Variants in VPS13D observed in about 807,000 individuals in gnomAD.
VPS13D encodes vacuolar protein sorting 13 homolog D.
Under a neutral mutation model 461.9 loss-of-function variants are expected in VPS13D, and 187 were observed. That is an observed-to-expected ratio of 0.40 (90% CI 0.36 to 0.46). The LOEUF (loss-of-function observed/expected upper bound fraction) is 0.46, where lower values mean the gene tolerates loss of function less well. Among genes scored for constraint, VPS13D ranks in the 20% least tolerant of loss-of-function variants. The pLI, the probability that VPS13D is intolerant of heterozygous loss-of-function variation, is 0.60. For synonymous variants in VPS13D, 1,951 were observed against 1,986.3 expected (o/e 0.98, Z 0.47); for missense variants, 4,711 against 5,364.9 (o/e 0.88, Z 3.81).
intron 65 of VPS13D, among the ~76,000 whole-genome samples, chr1:12,419,596 C>G (rs1238464853): frequency 6.6e-6 from 1 of 152,052 alleles, no homozygotes; most frequent in African/African-American, 2.4e-5. Context: ...GGGGGAGGTG[C>G]TACATACTTT....
At chr1:12,243,625 A>C (rs1640451497) in intron 3 of VPS13D, among the ~76,000 whole-genome samples, 1 of 152,122 alleles carries the variant, frequency 6.6e-6, no homozygotes, top group Admixed American at 6.6e-5. Flanking sequence ...GACTCTTATA[A>C]ATTGAACATA....
chr1:12,379,894 G>A (rs1044783102), intron 57 of VPS13D, among the ~76,000 whole-genome samples: 3 of 151,390 alleles, frequency 2.0e-5, no homozygotes, highest in African/African-American at 7.3e-5. Context: ...TCAGCCTCCC[G>A]AGTAGCTGGG....
At chr1:12,441,551 G>A (rs1160766588) in intron 65 of VPS13D, among the ~76,000 whole-genome samples, 2 of 152,218 alleles carry the variant, frequency 1.3e-5, no homozygotes, top group African/African-American at 4.8e-5. Context: ...TGGTTTGTGT[G>A]CATGGACAGG....
intron 46 of VPS13D, among the ~76,000 whole-genome samples, chr1:12,350,885 A>G (rs538148362): frequency 5.3e-5 from 8 of 152,348 alleles, no homozygotes; most frequent in African/African-American, 1.4e-4. Context: ...TCCTATAGAC[A>G]TAAAAAGGAT....
Position 12,373,833 on chromosome 1 carries a change from C to A in VPS13D, c.10892C>A (p.Thr3631Lys), listed in dbSNP as rs142327939. 6.2e-7 allele frequency: 1 copy of A among 1,607,566 alleles called. No homozygotes were observed. Among genetic ancestry groups the A allele is most frequent in the Non-Finnish European group, 8.5e-7 (1 of 1,176,728 alleles). The change falls in exon 55 of 70, where the codon ACA becomes AAA. Residue 3631 changes from threonine to lysine, a missense_variant. This residue lies in a region of VPS13D where 4,411 missense variants were observed against 4,937.8 expected (regional missense o/e 0.89). Transcript: ENST00000620676. ...CTCGTTTTGGATGTCTCACCCAAGA[C>A]ACAAAGAGTCATTTTAAAAAAGAAG... ...AELVLDVSPKTQRVILKKKEP... is the reference protein window; with the variant it reads ...AELVLDVSPKKQRVILKKKEP...
intron 68 of VPS13D, among the ~76,000 whole-genome samples, chr1:12,499,078 C>T (rs1340147887): frequency 6.6e-6 from 1 of 152,062 alleles, no homozygotes; most frequent in Non-Finnish European, 1.5e-5. Context: ...GGATTTGGTA[C>T]CATGACTGCT....
intron 69 of VPS13D, among the ~76,000 whole-genome samples, chr1:12,508,629 GA>G (rs1340405535): frequency 6.6e-6 from 1 of 150,966 alleles, no homozygotes; most frequent in East Asian, 1.9e-4. Context: ...AGAATCGCTT[GA>G]ACCCGGGAGG....
At chr1:12,449,685 A>G (rs766528899) in intron 65 of VPS13D, among the ~76,000 whole-genome samples, 15 of 152,212 alleles carry the variant, frequency 9.9e-5, no homozygotes, top group Non-Finnish European at 7.3e-5. Flanking sequence ...CATGACTCAA[A>G]GATGGTTTTC....
At chr1:12,479,823 T>C (rs1645689658) in intron 67 of VPS13D, among the ~76,000 whole-genome samples, 2 of 152,212 alleles carry the variant, frequency 1.3e-5, no homozygotes, top group African/African-American at 4.8e-5. Flanking sequence ...CCAGAAGATT[T>C]GTGCAAAGAC....
chr1:12,480,324 G>T, intron 67 of VPS13D, among the ~76,000 whole-genome samples: 1 of 152,228 alleles, frequency 6.6e-6, no homozygotes, highest in East Asian at 1.9e-4. Flanking sequence ...CCAGGTGCAT[G>T]TGCTCAGTAT....
chr1:12,457,596 G>A (rs577559262), intron 66 of VPS13D, among the ~76,000 whole-genome samples: 30 of 152,308 alleles, frequency 2.0e-4, no homozygotes, highest in African/African-American at 7.2e-4. Context: ...AGCTATCAGA[G>A]TCATATCAAG....
rs769548451 is a variant in VPS13D, at chr1:12,293,607, C to T, written c.5936C>T (p.Thr1979Ile). The T allele has an allele frequency of 1.2e-6, 2 of 1,614,198 alleles. No individual in the cohort carries two copies. The highest frequency in any genetic ancestry group is 1.7e-6 in the Non-Finnish European group (2 of 1,180,026). ...ATGGCCTCTGTGCAGTATGTGCATA[C>T]TCAGCGTTTCCAGGCAGAGGTGGTG... ...LRMASVQYVH[T>I]QRFQAEVVAF... is the part of the protein sequence containing the mutation. The change falls in exon 24 of 70, where the codon ACT becomes ATT. Residue 1979 changes from threonine to isoleucine, a missense_variant. This residue lies in a region of VPS13D where 4,411 missense variants were observed against 4,937.8 expected (regional missense o/e 0.89). Transcript: ENST00000620676.
At chr1:12,288,454 A>G in intron 22 of VPS13D, 141 bp downstream of exon 22, 1 of 713,556 alleles carries the variant, frequency 1.4e-6, no homozygotes, top group Non-Finnish European at 2.4e-6. Context: ...GCCAGGATTC[A>G]TGGTGGTGGT....
chr1:12,311,683 G>C, intron 28 of VPS13D, 58 bp downstream of exon 28: 2 of 1,600,820 alleles, frequency 1.2e-6, no homozygotes, highest in African/African-American at 1.3e-5. Context: ...CGGTCACCCT[G>C]TGTATCTATT....
intron 46 of VPS13D, among the ~76,000 whole-genome samples, chr1:12,350,614 A>G (rs1643771805): frequency 6.6e-6 from 1 of 152,200 alleles, no homozygotes; most frequent in South Asian, 2.1e-4. Flanking sequence ...TTAAAAAAAG[A>G]AAAGAAAATG....
intron 65 of VPS13D, among the ~76,000 whole-genome samples, chr1:12,436,362 A>C (rs970015765): frequency 6.6e-6 from 1 of 152,202 alleles, no homozygotes; most frequent in African/African-American, 2.4e-5. Flanking sequence ...GGTGGGGACA[A>C]GAAGAGGCAC....
chr1:12,481,535 A>G (rs1040116571), intron 67 of VPS13D, among the ~76,000 whole-genome samples: 5 of 152,124 alleles, frequency 3.3e-5, no homozygotes, highest in African/African-American at 1.2e-4. Flanking sequence ...TTTGGTGTCA[A>G]CTCTGACCCA....
chr1:12,273,169 C>T (rs1415066229), intron 18 of VPS13D, 34 bp downstream of exon 18: 1 of 1,606,168 alleles, frequency 6.2e-7, no homozygotes, highest in East Asian at 2.3e-5. Flanking sequence ...GAAAACCTGC[C>T]TTGGTAGATG....
At chr1:12,444,674 A>T (rs1046793825) in intron 65 of VPS13D, among the ~76,000 whole-genome samples, 2 of 152,126 alleles carry the variant, frequency 1.3e-5, no homozygotes, top group Admixed American at 6.5e-5. Context: ...CTAAAATCTT[A>T]ATGTTAGTTT....
Sources: allele counts gnomAD v4.1 joint callset (sites outside exome capture counted in the v4.1 genomes callset), GRCh38; gene constraint gnomAD v4.1.1; regional missense constraint gnomAD v4.1.1; transcripts MANE v1.5; gene names NCBI Gene and HGNC (gene_info 2026-07-23, HGNC 2026-07-21).